Variants in TAF1 observed in about 807,000 individuals in gnomAD.
TAF1 encodes the protein transcription initiation factor TFIID subunit 1.
Under a neutral mutation model 138.5 loss-of-function variants are expected in TAF1, and 2 were observed. The observed-to-expected ratio is 0.01, with a 90% confidence interval of 0.01 to 0.05. The LOEUF is 0.05. Ranked by LOEUF, TAF1 falls within the 10% of genes least tolerant of loss-of-function variation. TAF1 has a pLI of 1.00. For missense variants in TAF1, 709 were observed against 1,478.0 expected (o/e 0.48, Z 8.53); for synonymous variants, 437 against 503.2 (o/e 0.87, Z 1.76).
chrX:71,387,096 T>C (rs1403359373), intron 14 of TAF1, 165 bp from the exon 15 acceptor site: 4 of 515,473 alleles, frequency 7.8e-6, no homozygotes, highest in Admixed American at 4.1e-5. Flanking sequence ...AAAAATTGTT[T>C]AGTCACATTT....
intron 32 of TAF1, among the ~76,000 whole-genome samples, chrX:71,445,732 A>T (rs1362297332): frequency 1.8e-5 from 2 of 111,997 alleles, no homozygotes; most frequent in Non-Finnish European, 3.8e-5. Flanking sequence ...AAACCCATAG[A>T]TCAATTTGGA....
At chrX:71,495,846 G>T (rs1317847674) in intron 13 of TAF1, among the ~76,000 whole-genome samples, 2 of 111,948 alleles carry the variant, frequency 1.8e-5, no homozygotes, top group African/African-American at 6.5e-5. Context: ...GGCACTGATA[G>T]GGTCTGATTT....
At chrX:71,379,596 C>CTT (rs10714417) in intron 8 of TAF1, among the ~76,000 whole-genome samples, 7 of 57,578 alleles carry the variant, frequency 1.2e-4, no homozygotes, top group Non-Finnish European at 1.4e-4. Flanking sequence ...TGATAAAGAT[C>CTT]TTTTTTTTTT....
chrX:71,367,944 T>G (rs1024289090), intron 2 of TAF1, 110 bp from the exon 3 acceptor site: 14 of 857,167 alleles, frequency 1.6e-5, no homozygotes, highest in Non-Finnish European at 2.4e-5. Context: ...GTGCTGGGAT[T>G]ACAGGCGTGA....
intron 37 of TAF1, 44 bp downstream of exon 37, chrX:71,460,847 AG>A: frequency 8.6e-7 from 1 of 1,164,807 alleles, no homozygotes; most frequent in Non-Finnish European, 1.2e-6. Flanking sequence ...ATCAGTGCCC[AG>A]CTATGATGTT....
At chrX:71,526,000 G>T (rs1283730952) in intron 13 of TAF1, among the ~76,000 whole-genome samples, 1 of 110,999 alleles carries the variant, frequency 9.0e-6, no homozygotes, top group African/African-American at 3.3e-5. Flanking sequence ...AGTATATATG[G>T]TATGCAACAA....
exon 15 of TAF1, chrX:71,530,202 C>G (rs969927593): frequency 8.2e-6 from 1 of 121,877 alleles, no homozygotes; most frequent in African/African-American, 3.3e-5. Flanking sequence ...TACAAGATTT[C>G]TGGAAGGTTT....
intron 8 of TAF1, among the ~76,000 whole-genome samples, chrX:71,379,582 CAT>C (rs759457180): frequency 2.5e-4 from 25 of 101,010 alleles, no homozygotes; most frequent in Non-Finnish European, 3.8e-4. Flanking sequence ...TTCTTAAAAA[CAT>C]GTGATAAAGA....
intron 13 of TAF1, among the ~76,000 whole-genome samples, chrX:71,474,588 A>G (rs1382845859): frequency 1.8e-5 from 2 of 112,131 alleles, no homozygotes; most frequent in African/African-American, 6.5e-5. Context: ...TGCACCTGAC[A>G]CTGTTCTAGG....
At chrX:71,500,836 G>T (rs1241845787) in intron 13 of TAF1, among the ~76,000 whole-genome samples, 1 of 110,036 alleles carries the variant, frequency 9.1e-6, no homozygotes, top group African/African-American at 3.3e-5. Context: ...GCTGAGGTGG[G>T]TGGATCACCT....
intron 13 of TAF1, among the ~76,000 whole-genome samples, chrX:71,506,248 G>A (rs905381226): frequency 2.0e-4 from 21 of 107,632 alleles, no homozygotes; most frequent in African/African-American, 4.4e-4. Flanking sequence ...AAAATCAGCC[G>A]GGCATGATGG....
intron 22 of TAF1, 51 bp downstream of exon 22, chrX:71,394,296 G>A: frequency 6.1e-6 from 7 of 1,141,411 alleles, no homozygotes; most frequent in African/African-American, 1.8e-5. Context: ...GTTAAAAAAG[G>A]AGCCTACGTA....
chrX:71,508,084 C>CTATATA (rs1185059268), intron 13 of TAF1, among the ~76,000 whole-genome samples: 14 of 94,765 alleles, frequency 1.5e-4, no homozygotes, highest in East Asian at 6.6e-4. Context: ...CTCTCTCTCT[C>CTATATA]TCTATATATA....
intron 13 of TAF1, among the ~76,000 whole-genome samples, chrX:71,514,463 CAAAA>C (rs990209662): frequency 5.0e-5 from 2 of 39,756 alleles, no homozygotes; most frequent in African/African-American, 9.3e-5. Flanking sequence ...AAAACTAAAC[CAAAA>C]AAAAAAAAAA....
intron 31 of TAF1, 37 bp downstream of exon 31, chrX:71,424,103 T>C (rs755708661): frequency 1.3e-5 from 16 of 1,200,254 alleles, no homozygotes; most frequent in Non-Finnish European, 1.8e-5. Flanking sequence ...CTTTTTGTAA[T>C]CAAGTGACTG....
chrX:71,454,990 T>G (rs1181624178), intron 34 of TAF1, 133 bp downstream of exon 34: 4 of 1,166,214 alleles, frequency 3.4e-6, no homozygotes, highest in Non-Finnish European at 4.6e-6. Flanking sequence ...TTCGTGTGCT[T>G]TCTTGTCTTC....
intron 28 of TAF1, among the ~76,000 whole-genome samples, chrX:71,418,725 G>A (rs754076044): frequency 1.3e-4 from 14 of 109,390 alleles, no homozygotes; most frequent in Middle Eastern, 4.7e-3. Flanking sequence ...ATAGTTCAAG[G>A]ATTTTCTGAA....
chrX:71,403,059 G>C (rs180961929), intron 25 of TAF1, among the ~76,000 whole-genome samples: 13 of 108,966 alleles, frequency 1.2e-4, no homozygotes, highest in South Asian at 8.0e-4. Flanking sequence ...GATAGGGTCT[G>C]GTTCTATTAC....
rs781661767 is a variant in TAF1, at chrX:71,381,733, C to T, written c.1361-10C>T. 3 of 1,206,047 alleles carry T rather than the reference C, an allele frequency of 2.5e-6. No homozygotes were observed. The highest frequency in any genetic ancestry group is 3.6e-5 in the South Asian group (2 of 55,856). On this transcript the variant is annotated splice_polypyrimidine_tract_variant and intron_variant, in intron 8 of 37. Coordinates refer to ENST00000423759, the MANE Select transcript of TAF1 (RefSeq NM_004606.5). The stretch of plus-strand genomic sequence containing the variant: ...TCTCTGTTACTATTTCCTCCTTGCA[C>T]TTTGACTAGGTTTTGCAGCCACTCT...
Sources: allele counts gnomAD v4.1 joint callset (sites outside exome capture counted in the v4.1 genomes callset), GRCh38; gene constraint gnomAD v4.1.1; transcripts MANE v1.5; gene names NCBI Gene and HGNC (gene_info 2026-07-23, HGNC 2026-07-21).